Variants in HTT observed in about 807,000 individuals in gnomAD.
HTT encodes the protein huntington disease protein.
A neutral mutation model predicts 362.3 loss-of-function variants in HTT; 104 were observed. The ratio of observed to expected loss-of-function variants is 0.29; its 90% CI spans 0.24 to 0.34. The LOEUF is 0.34. Among genes scored for constraint, HTT ranks in the 10% least tolerant of loss-of-function variants. The pLI is 1.00. For missense variants in HTT, 3,301 were observed against 3,928.6 expected (o/e 0.84, Z 4.27); for synonymous variants, 1,577 against 1,548.7 (o/e 1.02, Z -0.43).
chr4:3,133,187 A>T (rs1016154824), intron 18 of HTT, among the ~76,000 whole-genome samples: 1 of 152,150 alleles, frequency 6.6e-6, no homozygotes, highest in South Asian at 2.1e-4. Flanking sequence ...CATTAAGTGT[A>T]AAGTCTGTTG....
At chr4:3,205,915 A>G (rs941442458) in intron 42 of HTT, among the ~76,000 whole-genome samples, 4 of 152,224 alleles carry the variant, frequency 2.6e-5, no homozygotes, top group African/African-American at 9.6e-5. Context: ...TTAAAAATAT[A>G]TATTTTTATT....
At position 3,218,632 on chromosome 4, in the gene HTT, CA is replaced by C. The variant is rs1411455024; in HGVS notation, c.7242+692del. On this transcript the variant is annotated intron_variant, in intron 52 of 66. Transcript: ENST00000355072. This position sits in a 1 kb window ranked among gnomAD's most constrained non-coding sequence, Gnocchi z 4.4. The stretch of plus-strand genomic sequence containing the variant: ...TGGGCAACAGAGCAAGACTCCGTCT[CA>C]AAAAAAAAAAAGGTAGGTGTTATTG... Among the ~76,000 whole-genome samples, 81 of 136,080 alleles carry C rather than the reference CA, an allele frequency of 6.0e-4. No homozygotes were observed. Among genetic ancestry groups the C allele is most frequent in the Admixed American group, 8.1e-4 (11 of 13,568 alleles). The allele number at this position is 136,080 out of a possible 152,430, so 89.3% of individuals were successfully genotyped here. A position where few individuals can be genotyped will look rare whatever the true frequency, so the allele number is the denominator to read the frequency against.
intron 63 of HTT, 60 bp from the exon 64 acceptor site, chr4:3,236,089 G>T: frequency 1.7e-6 from 2 of 1,207,174 alleles, no homozygotes; most frequent in Non-Finnish European, 2.5e-6. Flanking sequence ...ACAAAGCACT[G>T]TCTACAGAGC....
chr4:3,217,724 G>A, intron 51 of HTT, 41 bp from the exon 52 acceptor site: 1 of 1,538,340 alleles, frequency 6.5e-7, no homozygotes, highest in Non-Finnish European at 8.9e-7. Flanking sequence ...CATATAGGAT[G>A]TGTTTTTTAA....
At chr4:3,131,998 C>T (rs149506231) in intron 16 of HTT, among the ~76,000 whole-genome samples, 6 of 152,272 alleles carry the variant, frequency 3.9e-5, no homozygotes, top group African/African-American at 7.2e-5. Flanking sequence ...AACCTCAGCA[C>T]GTAAGAGCCA....
chr4:3,125,319 C>T (rs146573082), intron 10 of HTT, among the ~76,000 whole-genome samples: 1 of 152,122 alleles, frequency 6.6e-6, no homozygotes, highest in East Asian at 1.9e-4. Context: ...AGAATCATTG[C>T]TTTTAACTTT....
intron 40 of HTT, among the ~76,000 whole-genome samples, chr4:3,195,464 C>G (rs1719204591): frequency 6.6e-6 from 1 of 152,032 alleles, no homozygotes; most frequent in Non-Finnish European, 1.5e-5. Context: ...GCACTTGGTC[C>G]CTTTCTCTTC....
At chr4:3,107,741 C>T (rs952678534) in intron 6 of HTT, among the ~76,000 whole-genome samples, 13 of 152,180 alleles carry the variant, frequency 8.5e-5, no homozygotes, top group Admixed American at 3.9e-4. Flanking sequence ...ATGACTGTGC[C>T]AAGACTGCAG....
intron 40 of HTT, among the ~76,000 whole-genome samples, chr4:3,197,083 G>T (rs1719289063): frequency 6.6e-6 from 1 of 152,136 alleles, no homozygotes; most frequent in Admixed American, 6.5e-5. Context: ...TGATTCTGTG[G>T]AGCTGCCCTC....
At chr4:3,182,737 G>T (rs2269477) in intron 37 of HTT, among the ~76,000 whole-genome samples, 36,350 of 152,104 alleles carry the variant, frequency 0.24, 5,600 homozygotes, top group East Asian at 0.39. Context: ...GAGTGCTGGG[G>T]TGAGGGCGGG....
intron 24 of HTT, among the ~76,000 whole-genome samples, chr4:3,145,753 A>C (rs73073008): frequency 0.015 from 2,304 of 152,334 alleles, 51 homozygotes; most frequent in African/African-American, 0.053. Flanking sequence ...ATTACTGAGA[A>C]TGATTTTGGT....
chr4:3,117,931 C>G (rs1715111547), intron 8 of HTT, among the ~76,000 whole-genome samples: 1 of 152,202 alleles, frequency 6.6e-6, no homozygotes, highest in Non-Finnish European at 1.5e-5. Flanking sequence ...AACTCATTAT[C>G]AATTTTTCTC....
At chr4:3,109,067 ATAT>A (rs375065259) in intron 6 of HTT, among the ~76,000 whole-genome samples, 66 of 138,460 alleles carry the variant, frequency 4.8e-4, no homozygotes, top group Admixed American at 6.3e-4. Context: ...AAAAAAAAAA[ATAT>A]ATATATATAT....
chr4:3,140,675 A>G lies in HTT; in HGVS notation c.2945+19A>G, dbSNP rs375532721. The G allele has an allele frequency of 6.2e-7, 1 of 1,608,120 alleles. No homozygotes were observed. The highest frequency in any genetic ancestry group is 8.5e-7 in the Non-Finnish European group (1 of 1,176,486). On this transcript the variant is annotated intron_variant, in intron 22 of 66. Coordinates refer to ENST00000355072, the MANE Select transcript of HTT (RefSeq NM_001388492.1). ...TAACCAGGTATGCTGACCCAGTGGC[A>G]TCTTCACATTGTCGGGAAAATGCCC...
chr4:3,238,103 G>T (rs1045213689), intron 64 of HTT, among the ~76,000 whole-genome samples: 4 of 150,096 alleles, frequency 2.7e-5, no homozygotes, highest in African/African-American at 9.9e-5. Flanking sequence ...AGGAGTTCTG[G>T]TCCCTACAGG....
At chr4:3,223,725 T>C (rs1720779832) in intron 55 of HTT, among the ~76,000 whole-genome samples, 165 bp downstream of exon 55, 1 of 152,226 alleles carries the variant, frequency 6.6e-6, no homozygotes, top group Non-Finnish European at 1.5e-5. Flanking sequence ...AAAGGTGGCC[T>C]CCTGGTCAGT....
rs201784554 is a variant in HTT, at chr4:3,238,850, G to A, written c.9087G>A (p.Ser3029=). 146 of 1,612,428 alleles carry A rather than the reference G, an allele frequency of 9.1e-5. 1 individual carries two copies. The highest frequency in any genetic ancestry group is 1.5e-4 in the African/African-American group (11 of 74,966). The change falls in exon 66 of 67, where the codon TCG becomes TCA. Residue 3029 remains serine, a synonymous_variant. Transcript: ENST00000355072. ...VFQTLHSTGQ[S]SMVRDWVMLS... The stretch of plus-strand genomic sequence containing the variant: ...AGACTCTGCACAGCACCGGGCAGTC[G>A]TCCATGGTCCGGGACTGGGTCATGC...
rs773342860 is a variant in HTT at position 3,208,833 on chromosome 4, T to C, written c.6213T>C (p.Leu2071=). 4 of 1,614,166 alleles carry C rather than the reference T, an allele frequency of 2.5e-6. No individual in the cohort carries two copies. The South Asian group carries it at 4.4e-5, about 18-fold the overall frequency. ...GTCTCTCCACCATGCAAGACTCACT[T>C]AGTCCCTCTCCTCCAGTCTCTTCCC... ...RFRLSTMQDS[L]SPSPPVSSHP... Residue 2071 remains leucine (L), a synonymous_variant, in exon 46 of 67, where the codon CTT becomes CTC. Coordinates refer to ENST00000355072, the MANE Select transcript of HTT (RefSeq NM_001388492.1).
intron 40 of HTT, among the ~76,000 whole-genome samples, chr4:3,198,614 C>A (rs1719378811): frequency 6.6e-6 from 1 of 152,218 alleles, no homozygotes; most frequent in South Asian, 2.1e-4. Flanking sequence ...GCCAGCTGGG[C>A]CTTTCTCTGT....
Sources: allele counts gnomAD v4.1 joint callset (sites outside exome capture counted in the v4.1 genomes callset), GRCh38; gene constraint gnomAD v4.1.1; non-coding constraint Gnocchi (gnomAD v3.1); transcripts MANE v1.5; gene names NCBI Gene and HGNC (gene_info 2026-07-23, HGNC 2026-07-21).